ODAD2: variants seen among roughly 807,000 people sequenced by gnomAD.
ODAD2 encodes the protein outer dynein arm docking complex subunit 2.
ODAD2 carries 89 observed loss-of-function variants against 106.8 expected under a neutral mutation model. That is an observed-to-expected ratio of 0.83 (90% confidence interval 0.70 to 0.99). The LOEUF (loss-of-function observed/expected upper bound fraction) is 0.99, where lower values mean the gene tolerates loss of function less well. Ranked by LOEUF, ODAD2 falls within the 50% of genes least tolerant of loss-of-function variation. The probability of loss-of-function intolerance (pLI) is 0.00; values close to 1 mark genes in which losing one functional copy is unlikely to be tolerated. For missense variants in ODAD2, 1,168 were observed against 1,238.5 expected (o/e 0.94, Z 0.85); for synonymous variants, 404 against 436.2 (o/e 0.93, Z 0.92).
chr10:27,955,958 T>G (rs1274485335), intron 10 of ODAD2, among the ~76,000 whole-genome samples: 1 of 151,796 alleles, frequency 6.6e-6, no homozygotes, highest in East Asian at 1.9e-4. Flanking sequence ...TGGATTAGAG[T>G]ATTGACCACT....
chr10:27,888,804 G>T (rs1214226481), intron 17 of ODAD2, among the ~76,000 whole-genome samples: 1 of 152,078 alleles, frequency 6.6e-6, no homozygotes, highest in Non-Finnish European at 1.5e-5. Flanking sequence ...ACTATTCAAT[G>T]GGGAAAGTCT....
chr10:27,961,508 C>T (rs959908442), intron 10 of ODAD2, 60 bp downstream of exon 10: 9 of 1,465,222 alleles, frequency 6.1e-6, no homozygotes, highest in African/African-American at 1.4e-5. Flanking sequence ...GCAGCATATA[C>T]ATCTTTGGGA....
chr10:27,836,716 AG>A (rs1837918019), intron 19 of ODAD2, among the ~76,000 whole-genome samples: 1 of 152,206 alleles, frequency 6.6e-6, no homozygotes, highest in Non-Finnish European at 1.5e-5. Flanking sequence ...TAGGATTTCA[AG>A]GAATACGAAA....
At chr10:27,876,252 G>C (rs921683401) in intron 17 of ODAD2, among the ~76,000 whole-genome samples, 1 of 152,180 alleles carries the variant, frequency 6.6e-6, no homozygotes, top group East Asian at 1.9e-4. Context: ...GCCTCCTCAA[G>C]TGGGTCCCTG....
At chr10:27,990,905 A>G (rs1184254746) in intron 2 of ODAD2, among the ~76,000 whole-genome samples, 2 of 152,208 alleles carry the variant, frequency 1.3e-5, no homozygotes, top group Admixed American at 6.5e-5. Flanking sequence ...AAAATAAAAT[A>G]TGGCAATATT....
chr10:27,989,886 C>T (rs145989518), intron 2 of ODAD2, among the ~76,000 whole-genome samples: 95 of 152,182 alleles, frequency 6.2e-4, no homozygotes, highest in African/African-American at 2.2e-3. Flanking sequence ...AAATAAAAAA[C>T]GCCAGCTATG....
chr10:27,878,136 A>G (rs971882278), intron 17 of ODAD2, among the ~76,000 whole-genome samples: 1 of 152,202 alleles, frequency 6.6e-6, no homozygotes, highest in Non-Finnish European at 1.5e-5. Context: ...TTTTACCAAG[A>G]TCATTCCCTA....
At chr10:27,857,829 T>A (rs544105819) in intron 19 of ODAD2, among the ~76,000 whole-genome samples, 1 of 152,308 alleles carries the variant, frequency 6.6e-6, no homozygotes, top group Non-Finnish European at 1.5e-5. Context: ...CTCTGGTCAT[T>A]GTTAAAGAGC....
chr10:27,912,210 G>A (rs1221255486), intron 16 of ODAD2, among the ~76,000 whole-genome samples: 1 of 152,064 alleles, frequency 6.6e-6, no homozygotes, highest in Non-Finnish European at 1.5e-5. Flanking sequence ...ATCTTGCTCT[G>A]AATTCATTTC....
chr10:27,963,522 A>T (rs1371697651), intron 9 of ODAD2, among the ~76,000 whole-genome samples: 4 of 152,222 alleles, frequency 2.6e-5, no homozygotes, highest in Non-Finnish European at 1.5e-5. Flanking sequence ...GTCAATGACC[A>T]TAATAGAACA....
At chr10:27,952,802 T>C (rs1847451643) in intron 10 of ODAD2, among the ~76,000 whole-genome samples, 1 of 152,208 alleles carries the variant, frequency 6.6e-6, no homozygotes, top group East Asian at 1.9e-4. Flanking sequence ...TTGAAAACTA[T>C]TGGTATGTTA....
chr10:27,916,228 G>A (rs1427533228), intron 16 of ODAD2, among the ~76,000 whole-genome samples: 1 of 152,074 alleles, frequency 6.6e-6, no homozygotes, highest in Non-Finnish European at 1.5e-5. Context: ...GGTGAGGAGG[G>A]CAGACATACT....
chr10:27,876,874 G>T (rs1351402544), intron 17 of ODAD2, among the ~76,000 whole-genome samples: 2 of 152,098 alleles, frequency 1.3e-5, no homozygotes, highest in African/African-American at 4.8e-5. Flanking sequence ...ATCTGATGTG[G>T]TCATTCACAG....
intron 19 of ODAD2, 35 bp from the exon 20 acceptor site, chr10:27,812,660 G>A: frequency 2.0e-6 from 3 of 1,533,990 alleles, no homozygotes; most frequent in Non-Finnish European, 1.7e-6. Flanking sequence ...AGGGACACAA[G>A]AATAAAAACA....
intron 10 of ODAD2, 119 bp from the exon 11 acceptor site, chr10:27,945,081 A>G (rs1846797801): frequency 8.4e-7 from 1 of 1,193,806 alleles, no homozygotes; most frequent in African/African-American, 1.5e-5. Context: ...GAATTTGTTA[A>G]ATGAATCAGG....
chr10:27,814,854 G>C (rs1196182548), intron 19 of ODAD2, among the ~76,000 whole-genome samples: 1 of 152,136 alleles, frequency 6.6e-6, no homozygotes, highest in Non-Finnish European at 1.5e-5. Flanking sequence ...TGAGTCCTGC[G>C]GGAGGCATAT....
chr10:27,828,936 A>G (rs1276984037), intron 19 of ODAD2, among the ~76,000 whole-genome samples: 3 of 152,200 alleles, frequency 2.0e-5, no homozygotes, highest in African/African-American at 7.2e-5. Flanking sequence ...TCCTAATGTT[A>G]TGTTTGCCTT....
chr10:27,987,989 TG>T (rs1849984395), intron 2 of ODAD2, among the ~76,000 whole-genome samples: 1 of 150,954 alleles, frequency 6.6e-6, no homozygotes, highest in African/African-American at 2.4e-5. Context: ...GGCTACACTG[TG>T]TTTATGAACA....
chr10:27,907,322 T>C (rs1336429695), intron 17 of ODAD2, among the ~76,000 whole-genome samples: 3 of 152,114 alleles, frequency 2.0e-5, no homozygotes, highest in African/African-American at 4.8e-5. Context: ...GGCTGCACTC[T>C]CTCTGGATAG....
Sources: allele counts gnomAD v4.1 joint callset (sites outside exome capture counted in the v4.1 genomes callset), GRCh38; gene constraint gnomAD v4.1.1; transcripts MANE v1.5; gene names NCBI Gene and HGNC (gene_info 2026-07-23, HGNC 2026-07-21).